The following FAR2 variants were observed in gnomAD, a reference collection of about 807,000 sequenced individuals.
The protein encoded by FAR2 is fatty acyl-CoA reductase 2.
A neutral mutation model predicts 56.0 loss-of-function variants in FAR2; 19 were observed. The ratio of observed to expected loss-of-function variants is 0.34; its 90% CI spans 0.24 to 0.50. The LOEUF (loss-of-function observed/expected upper bound fraction) is 0.50. Ranked by LOEUF, FAR2 falls within the 20% of genes least tolerant of loss-of-function variation. FAR2 has a pLI of 0.98. For missense variants in FAR2, 508 were observed against 642.2 expected (o/e 0.79, Z 2.26); for synonymous variants, 219 against 218.8 (o/e 1.00, Z -0.01).
chr12:29,189,184 T>C (rs1453973317), intron 1 of FAR2, among the ~76,000 whole-genome samples: 1 of 152,220 alleles, frequency 6.6e-6, no homozygotes, highest in Non-Finnish European at 1.5e-5. Flanking sequence ...GAAATTCTCC[T>C]GTATGGAAGA....
intron 1 of FAR2, among the ~76,000 whole-genome samples, chr12:29,192,583 T>G (rs965895342): frequency 4.6e-5 from 7 of 152,240 alleles, no homozygotes; most frequent in Admixed American, 2.6e-4. Context: ...TGGGTAACTC[T>G]AAACCCCTGA....
intron 1 of FAR2, among the ~76,000 whole-genome samples, chr12:29,228,591 T>C (rs1432596683): frequency 4.4e-5 from 1 of 22,508 alleles, no homozygotes; most frequent in Non-Finnish European, 8.7e-5. Context: ...GTCTTTTTTG[T>C]GTTTGTTTGT....
chr12:29,285,357 C>T (rs545426354), intron 2 of FAR2, among the ~76,000 whole-genome samples: 1 of 152,278 alleles, frequency 6.6e-6, no homozygotes, highest in Non-Finnish European at 1.5e-5. Context: ...TTTAAACTTC[C>T]AAAGCCAGTT....
chr12:29,279,928 A>ATTTT (rs4033039), intron 2 of FAR2, among the ~76,000 whole-genome samples: 18 of 146,472 alleles, frequency 1.2e-4, no homozygotes, highest in African/African-American at 3.5e-4. Flanking sequence ...GTGCAATATA[A>ATTTT]TTTTTTTTTT....
intron 1 of FAR2, among the ~76,000 whole-genome samples, chr12:29,211,114 T>C (rs1036260246): frequency 3.3e-5 from 5 of 151,938 alleles, no homozygotes; most frequent in Non-Finnish European, 7.4e-5. Flanking sequence ...TTCTGCTGAG[T>C]TGCATTCTTC....
At chr12:29,286,793 C>T (rs775704667) in intron 2 of FAR2, among the ~76,000 whole-genome samples, 2 of 151,724 alleles carry the variant, frequency 1.3e-5, no homozygotes, top group Non-Finnish European at 2.9e-5. Context: ...TCACAGAATA[C>T]GATTTTAAGT....
rs910314562 is a variant in FAR2, at chr12:29,334,508, G to A, written c.*714G>A. ...AGTCAAAATTAATATTCTCAAATTC[G>A]AATTTGATAGCTATTATTTCTAAAT... On this transcript the variant is annotated 3_prime_UTR_variant, in exon 12 of 12. Coordinates refer to ENST00000536681, the MANE Select transcript of FAR2 (RefSeq NM_001271783.2). The A allele has an allele frequency of 2.0e-5, 3 of 152,180 alleles. No individual in the cohort carries two copies. In the East Asian group the frequency reaches 5.8e-4, roughly 29 times the overall value. 9.4% of individuals were successfully genotyped at this position (152,180 alleles called of 1,614,324 possible). A position where few individuals can be genotyped will look rare whatever the true frequency, so the allele number is the denominator to read the frequency against.
At chr12:29,254,063 T>TCC (rs1948276545) in intron 1 of FAR2, among the ~76,000 whole-genome samples, 1 of 152,194 alleles carries the variant, frequency 6.6e-6, no homozygotes, top group South Asian at 2.1e-4. Context: ...TGACTATCTC[T>TCC]CCCCAGCTGG....
At position 29,204,754 on chromosome 12, in the gene FAR2, A is replaced by G. The variant is rs79848199; in HGVS notation, c.-39+55347A>G. Among the ~76,000 whole-genome samples, 1,328 of 152,306 alleles carry G rather than the reference A, an allele frequency of 8.7e-3. 23 individuals carry two copies. The highest frequency in any genetic ancestry group is 0.03 in the African/African-American group (1,253 of 41,560). On this transcript the variant is annotated intron_variant, in intron 1 of 11. Coordinates refer to ENST00000536681, the MANE Select transcript of FAR2 (RefSeq NM_001271783.2). ...GGAAGAGGAAGCAGGCACATCTTAC[A>G]TGGCCAGAGCAGGAGGAAATGGGTG...
chr12:29,287,007 T>A (rs1948887223), intron 2 of FAR2, among the ~76,000 whole-genome samples: 2 of 152,134 alleles, frequency 1.3e-5, no homozygotes, highest in Non-Finnish European at 2.9e-5. Flanking sequence ...CTTCCCCCAG[T>A]CACATAGCAA....
chr12:29,174,293 C>CA (rs987000836), intron 1 of FAR2, among the ~76,000 whole-genome samples: 15 of 151,658 alleles, frequency 9.9e-5, no homozygotes, highest in Non-Finnish European at 1.8e-4. Flanking sequence ...GGGCTTTGGG[C>CA]AAAAAATATG....
At chr12:29,248,136 G>T (rs770652263) in intron 1 of FAR2, among the ~76,000 whole-genome samples, 1 of 152,112 alleles carries the variant, frequency 6.6e-6, no homozygotes, top group African/African-American at 2.4e-5. Context: ...TTAGAATGTG[G>T]CCTGAACTGG....
rs537859509 is a variant in FAR2 at position 29,217,148 on chromosome 12, T to G, written c.-38-53264T>G. On this transcript the variant is annotated intron_variant, in intron 1 of 11. Transcript: ENST00000536681. ...AATAGATAAGTTATCATACACTTTT[T>G]AAAAAACTTCAAAAAACTACAAATA... 8.8e-4 allele frequency among the ~76,000 whole-genome samples: 134 copies of G among 152,302 alleles called. 1 individual carries two copies. The highest frequency in any genetic ancestry group is 6.6e-3 in the South Asian group (32 of 4,830).
intron 1 of FAR2, among the ~76,000 whole-genome samples, chr12:29,198,203 T>G (rs1950157445): frequency 6.6e-6 from 1 of 152,256 alleles, no homozygotes. Context: ...CTCTCCATTA[T>G]TCTGTTTTTT....
At position 29,316,974 on chromosome 12, in the gene FAR2, CTA is replaced by C; in HGVS notation, c.1091_1092del (p.Tyr364Ter). ...AVSHRAPAII[Y>X]DCYLRLTGRK... is the part of the protein sequence containing the mutation. ...TCAGCCACCGGGCCCCTGCCATTATCTATGACTGCTATCTGCGGCTCACTGGA... is the reference window on the plus strand; with the variant it reads ...TCAGCCACCGGGCCCCTGCCATTATCTGACTGCTATCTGCGGCTCACTGGA... On this transcript the variant is annotated frameshift_variant, in exon 9 of 12. Transcript: ENST00000536681. LOFTEE classifies it high-confidence loss of function. The C allele has an allele frequency of 6.2e-7, 1 of 1,613,940 alleles. No individual in the cohort carries two copies. The highest frequency in any genetic ancestry group is 8.5e-7 in the Non-Finnish European group (1 of 1,179,886).
chr12:29,163,207 G>A (rs1480911514), intron 1 of FAR2, among the ~76,000 whole-genome samples: 1 of 152,144 alleles, frequency 6.6e-6, no homozygotes, highest in African/African-American at 2.4e-5. Flanking sequence ...GTGTGACCGT[G>A]GACAAATCAC....
intron 1 of FAR2, chr12:29,157,114 A>ATATT (rs1410242954): frequency 2.6e-5 from 3 of 114,326 alleles, no homozygotes; most frequent in African/African-American, 1.1e-4. Flanking sequence ...TTTTATATAT[A>ATATT]TATATATATA....
intron 1 of FAR2, among the ~76,000 whole-genome samples, chr12:29,244,019 TGA>T (rs1948084720): frequency 6.6e-6 from 1 of 152,130 alleles, no homozygotes; most frequent in African/African-American, 2.4e-5. Flanking sequence ...AATGAATGAA[TGA>T]ATGAATGAAT....
At chr12:29,256,573 A>G (rs1218513806) in intron 1 of FAR2, among the ~76,000 whole-genome samples, 1 of 152,152 alleles carries the variant, frequency 6.6e-6, no homozygotes, top group East Asian at 1.9e-4. Flanking sequence ...CCACCGCTGC[A>G]CTGTGGGAGC....
Sources: allele counts gnomAD v4.1 joint callset (sites outside exome capture counted in the v4.1 genomes callset), GRCh38; gene constraint gnomAD v4.1.1; transcripts MANE v1.5; gene names NCBI Gene and HGNC (gene_info 2026-07-23, HGNC 2026-07-21).